The following BLTP1 variants were observed in gnomAD, a reference collection of about 807,000 sequenced individuals.
The protein encoded by BLTP1 is bridge-like lipid transfer protein family member 1.
the BLTP1 span, chr4:122,206,986 T>C: frequency 2.6e-6 from 2 of 767,048 alleles, no homozygotes; most frequent in Admixed American, 5.4e-5. Context: ...AATATTTCAG[T>C]ATAAAATTTT....
At chr4:122,184,328 T>A in the BLTP1 span, among the ~76,000 whole-genome samples, 1 of 152,128 alleles carries the variant, frequency 6.6e-6, no homozygotes, top group African/African-American at 2.4e-5. Context: ...AGATAGTTGA[T>A]AGCAGTTGCT....
the BLTP1 span, chr4:122,269,025 C>G: frequency 1.5e-6 from 1 of 675,052 alleles, no homozygotes; most frequent in Non-Finnish European, 1.8e-6. Flanking sequence ...ACCACAGTAA[C>G]TGAAATTTTA....
the BLTP1 span, chr4:122,272,230 T>C: frequency 6.2e-7 from 1 of 1,613,360 alleles, no homozygotes; most frequent in Non-Finnish European, 8.5e-7. Context: ...GCAGTTTGAC[T>C]AAGACTCAGA....
At chr4:122,238,447 C>CAA in the BLTP1 span, 3 of 938,764 alleles carry the variant, frequency 3.2e-6, no homozygotes, top group East Asian at 7.4e-5. Context: ...CACTCCCCCA[C>CAA]TTTAGAAAAT....
the BLTP1 span, among the ~76,000 whole-genome samples, chr4:122,268,544 T>TG: frequency 6.6e-6 from 1 of 152,178 alleles, no homozygotes; most frequent in African/African-American, 2.4e-5. Context: ...TTGCCTCCAC[T>TG]GAGTTTTTCT....
At chr4:122,336,396 G>T in the BLTP1 span, 7 of 1,332,260 alleles carry the variant, frequency 5.3e-6, no homozygotes, top group South Asian at 1.6e-5. Context: ...ATATATTTTG[G>T]GATCTTATTA....
the BLTP1 span, among the ~76,000 whole-genome samples, chr4:122,259,020 AACTGCTGTTG>A: frequency 3.9e-3 from 597 of 152,274 alleles, 2 homozygotes; most frequent in African/African-American, 0.014. Context: ...TATCATCAGT[AACTGCTGTTG>A]ATTAAGGACC....
the BLTP1 span, chr4:122,246,656 A>C: frequency 1.2e-5 from 19 of 1,593,648 alleles, no homozygotes; most frequent in South Asian, 1.2e-4. Flanking sequence ...TTCACTTGTC[A>C]GTTCTGAAAT....
chr4:122,242,393 A>C, the BLTP1 span, among the ~76,000 whole-genome samples: 1 of 152,194 alleles, frequency 6.6e-6, no homozygotes, highest in African/African-American at 2.4e-5. Context: ...CAAATACCTC[A>C]TGATTTCACT....
At chr4:122,171,508 C>T in the BLTP1 span, among the ~76,000 whole-genome samples, 1 of 151,984 alleles carries the variant, frequency 6.6e-6, no homozygotes, top group African/African-American at 2.4e-5. Context: ...TGCTAGATGC[C>T]AGGTTGTACA....
chr4:122,301,247 G>GT, the BLTP1 span: 4 of 1,460,608 alleles, frequency 2.7e-6, no homozygotes, highest in African/African-American at 6.0e-5. Context: ...GCACAAAATA[G>GT]TTATTTTTTT....
chr4:122,331,378 A>G, the BLTP1 span: 24 of 1,611,900 alleles, frequency 1.5e-5, no homozygotes, highest in Admixed American at 3.7e-4. Flanking sequence ...TCAGCTATTT[A>G]CAGAACGCTG....
At chr4:122,156,609 T>C in the BLTP1 span, among the ~76,000 whole-genome samples, 1 of 152,260 alleles carries the variant, frequency 6.6e-6, no homozygotes, top group African/African-American at 2.4e-5. Flanking sequence ...AAATAGCTAA[T>C]GTCATTTACT....
the BLTP1 span, among the ~76,000 whole-genome samples, chr4:122,280,391 T>C: frequency 6.6e-6 from 1 of 152,226 alleles, no homozygotes; most frequent in African/African-American, 2.4e-5. Flanking sequence ...CATTTGACCA[T>C]GCCACATAAA....
At chr4:122,245,470 G>A in the BLTP1 span, among the ~76,000 whole-genome samples, 1 of 152,054 alleles carries the variant, frequency 6.6e-6, no homozygotes, top group African/African-American at 2.4e-5. Flanking sequence ...TTCTAAGACA[G>A]CTGTTTATGT....
the BLTP1 span, among the ~76,000 whole-genome samples, chr4:122,193,954 C>G: frequency 6.6e-6 from 1 of 151,818 alleles, no homozygotes; most frequent in African/African-American, 2.4e-5. Context: ...GCTCCGCCTC[C>G]CGGGTTCACG....
chr4:122,278,959 C>T, the BLTP1 span, among the ~76,000 whole-genome samples: 1 of 152,264 alleles, frequency 6.6e-6, no homozygotes, highest in East Asian at 1.9e-4. Flanking sequence ...TTTGACTGGA[C>T]CACTTCCACT....
chr4:122,211,052 T>C, the BLTP1 span: 2 of 1,613,238 alleles, frequency 1.2e-6, no homozygotes, highest in Non-Finnish European at 1.7e-6. Flanking sequence ...GATTCTCAGA[T>C]AACTCTCTAT....
At chr4:122,348,566 G>T in the BLTP1 span, 2 of 1,581,228 alleles carry the variant, frequency 1.3e-6, no homozygotes, top group South Asian at 1.2e-5. Flanking sequence ...TCTATTTTTA[G>T]ATTCACTTTC....
Sources: allele counts gnomAD v4.1 joint callset (sites outside exome capture counted in the v4.1 genomes callset), GRCh38; gene constraint gnomAD v4.1.1; transcripts MANE v1.5; gene names NCBI Gene and HGNC (gene_info 2026-07-23, HGNC 2026-07-21).